The following KLHL1 variants were observed in gnomAD, a reference collection of about 807,000 sequenced individuals.
KLHL1 encodes the protein kelch-like protein 1.
In KLHL1, 47 loss-of-function variants were observed where a neutral mutation model predicts 77.7. That is an observed-to-expected ratio of 0.60 (90% CI 0.48 to 0.77). The LOEUF (loss-of-function observed/expected upper bound fraction) is 0.77, where lower values mean the gene tolerates loss of function less well. KLHL1 is among the 30% of genes least tolerant of loss of function. The probability of loss-of-function intolerance (pLI) is 0.00; values close to 1 mark genes in which losing one functional copy is unlikely to be tolerated. For missense variants in KLHL1, 925 were observed against 910.8 expected (o/e 1.02, Z -0.20); for synonymous variants, 360 against 325.2 (o/e 1.11, Z -1.15).
At chr13:69,898,956 T>G (rs978060419) in intron 4 of KLHL1, among the ~76,000 whole-genome samples, 1 of 152,116 alleles carries the variant, frequency 6.6e-6, no homozygotes, top group Non-Finnish European at 1.5e-5. Context: ...TAAGGATTAT[T>G]ACTCAAGCTA....
intron 8 of KLHL1, among the ~76,000 whole-genome samples, chr13:69,725,147 C>G (rs1011678809): frequency 6.6e-6 from 1 of 152,176 alleles, no homozygotes; most frequent in South Asian, 2.1e-4. Flanking sequence ...GAACAATTCT[C>G]TACTCTCTGA....
intron 1 of KLHL1, among the ~76,000 whole-genome samples, chr13:70,060,104 G>A (rs550053624): frequency 1.3e-5 from 2 of 152,206 alleles, no homozygotes; most frequent in South Asian, 4.1e-4. Context: ...TCAAATATGG[G>A]CAAAAGATCT....
At chr13:70,060,753 A>C (rs1886861029) in intron 1 of KLHL1, among the ~76,000 whole-genome samples, 1 of 151,918 alleles carries the variant, frequency 6.6e-6, no homozygotes, top group Non-Finnish European at 1.5e-5. Flanking sequence ...GGCTGAGGCA[A>C]GAGAATCACT....
At chr13:70,047,028 T>C (rs1338978022) in intron 1 of KLHL1, among the ~76,000 whole-genome samples, 1 of 152,114 alleles carries the variant, frequency 6.6e-6, no homozygotes, top group Non-Finnish European at 1.5e-5. Context: ...CTCAATACAA[T>C]GCTTATCCTT....
rs558084195 is a variant in KLHL1, at chr13:70,046,111, C to T, written c.497+61092G>A. The stretch of plus-strand genomic sequence containing the variant: ...TTGGCTATGGAAAATTTTAAGTTGG[C>T]CAAGAAGCCAGTGGAATAGACCATT... On this transcript the variant is annotated intron_variant, in intron 1 of 10. Coordinates refer to ENST00000377844, the MANE Select transcript of KLHL1 (RefSeq NM_020866.3). 2.4e-4 allele frequency among the ~76,000 whole-genome samples: 37 copies of T among 152,042 alleles called. 1 individual carries two copies. Among genetic ancestry groups the T allele is most frequent in the African/African-American group, 8.9e-4 (37 of 41,450 alleles).
intron 1 of KLHL1, among the ~76,000 whole-genome samples, chr13:70,033,390 C>T (rs1205028240): frequency 1.3e-5 from 2 of 151,258 alleles, no homozygotes; most frequent in South Asian, 2.1e-4. Flanking sequence ...CCCGGGTTCA[C>T]ACCATTCTCC....
At chr13:70,071,836 A>G (rs1196329712) in intron 1 of KLHL1, among the ~76,000 whole-genome samples, 2 of 152,126 alleles carry the variant, frequency 1.3e-5, no homozygotes, top group African/African-American at 4.8e-5. Context: ...TACAGTACAT[A>G]CAGCAAAATT....
At chr13:69,772,097 G>A (rs920538127) in intron 7 of KLHL1, among the ~76,000 whole-genome samples, 4 of 151,932 alleles carry the variant, frequency 2.6e-5, no homozygotes, top group Admixed American at 6.6e-5. Flanking sequence ...GATTACAGGC[G>A]CCTGCCACCA....
intron 7 of KLHL1, among the ~76,000 whole-genome samples, chr13:69,779,328 T>TCTTCTTTC (rs1876005776): frequency 1.3e-5 from 2 of 148,956 alleles, no homozygotes; most frequent in South Asian, 4.3e-4. Context: ...TTAAAAAAGG[T>TCTTCTTTC]CTTCCTTCCT....
intron 7 of KLHL1, among the ~76,000 whole-genome samples, chr13:69,795,042 C>A (rs1877042779): frequency 6.6e-6 from 1 of 152,096 alleles, no homozygotes; most frequent in South Asian, 2.1e-4. Flanking sequence ...ATACATAATG[C>A]CGAATTTCCT....
At chr13:69,744,758 T>C (rs529035533) in intron 7 of KLHL1, among the ~76,000 whole-genome samples, 2 of 151,930 alleles carry the variant, frequency 1.3e-5, no homozygotes, top group Non-Finnish European at 2.9e-5. Context: ...TTTAAAAAAT[T>C]ATTTAAAGTT....
chr13:69,768,165 A>G (rs1875395907), intron 7 of KLHL1, among the ~76,000 whole-genome samples: 1 of 152,164 alleles, frequency 6.6e-6, no homozygotes, highest in African/African-American at 2.4e-5. Flanking sequence ...TCCATAGATC[A>G]AGCTTTCTTT....
At chr13:69,897,082 G>A (rs781666851) in intron 4 of KLHL1, among the ~76,000 whole-genome samples, 9 of 152,050 alleles carry the variant, frequency 5.9e-5, no homozygotes, top group Non-Finnish European at 1.3e-4. Flanking sequence ...CTAGTCAACC[G>A]AACCCCTTGA....
chr13:69,983,608 A>G lies in KLHL1; in HGVS notation c.498-7806T>C, dbSNP rs531774053. ...AAAAAAAAAGAAGAAGAAGAAGAGA[A>G]AAAAAAAAAAAAGCTGTGTTTGATG... On this transcript the variant is annotated intron_variant, in intron 1 of 10. Transcript: ENST00000377844. 8.9e-4 allele frequency among the ~76,000 whole-genome samples: 97 copies of G among 109,208 alleles called. 2 individuals carry two copies. The East Asian group carries it at 0.013, about 14-fold the overall frequency. The allele number at this position is 109,208 out of a possible 152,430, so 71.6% of individuals were successfully genotyped here. A position where few individuals can be genotyped will look rare whatever the true frequency, so the allele number is the denominator to read the frequency against.
intron 7 of KLHL1, among the ~76,000 whole-genome samples, chr13:69,779,284 A>C (rs1454928041): frequency 6.6e-6 from 1 of 152,130 alleles, no homozygotes; most frequent in African/African-American, 2.4e-5. Flanking sequence ...AAGTTTTACA[A>C]TTTATAAATC....
At chr13:69,843,113 A>G (rs1283640840) in intron 5 of KLHL1, among the ~76,000 whole-genome samples, 3 of 151,430 alleles carry the variant, frequency 2.0e-5, no homozygotes, top group African/African-American at 7.3e-5. Flanking sequence ...GAAGGATTAA[A>G]TTCAATGTAT....
chr13:69,786,853 T>C (rs890722203), intron 7 of KLHL1, among the ~76,000 whole-genome samples: 23 of 152,168 alleles, frequency 1.5e-4, no homozygotes, highest in African/African-American at 4.6e-4. Flanking sequence ...AGCATTCTTA[T>C]ACACCAATAA....
intron 5 of KLHL1, among the ~76,000 whole-genome samples, chr13:69,864,150 T>C (rs1358022042): frequency 6.6e-6 from 1 of 151,984 alleles, no homozygotes; most frequent in African/African-American, 2.4e-5. Flanking sequence ...GGGACTTTTA[T>C]AAAAGCAAGA....
intron 7 of KLHL1, among the ~76,000 whole-genome samples, chr13:69,756,646 AT>A (rs1229718906): frequency 1.3e-5 from 2 of 152,196 alleles, no homozygotes; most frequent in Non-Finnish European, 2.9e-5. Context: ...AACATGGTAA[AT>A]TAAGTAACTA....
Sources: gnomAD v4.1 joint callset for allele counts (sites outside exome capture counted in the v4.1 genomes callset) on GRCh38, gnomAD v4.1.1 for gene constraint, MANE v1.5 for transcripts, NCBI Gene and HGNC (gene_info 2026-07-23, HGNC 2026-07-21) for gene names.